PTPRD: variants seen among roughly 807,000 people sequenced by gnomAD.
PTPRD encodes receptor-type tyrosine-protein phosphatase delta.
In PTPRD, 34 loss-of-function variants were observed where a neutral mutation model predicts 214.5. The observed-to-expected ratio is 0.16, with a 90% CI of 0.12 to 0.21. The LOEUF (loss-of-function observed/expected upper bound fraction) is 0.21, where lower values mean the gene tolerates loss of function less well. Ranked by LOEUF, PTPRD falls within the 10% of genes least tolerant of loss-of-function variation. The pLI is 1.00. For synonymous variants in PTPRD, 1,128 were observed against 845.7 expected (o/e 1.33, Z -5.79); for missense variants, 2,545 against 2,398.7 (o/e 1.06, Z -1.27).
chr9:10,337,926 G>T lies in PTPRD; in HGVS notation c.-545+3037C>A, dbSNP rs114020904. 4.2e-3 allele frequency among the ~76,000 whole-genome samples: 638 copies of T among 151,418 alleles called. 4 individuals carry two copies. The highest frequency in any genetic ancestry group is 0.015 in the African/African-American group (627 of 41,352). On this transcript the variant is annotated intron_variant, in intron 3 of 45. Transcript: ENST00000381196. Reference sequence around the variant, plus strand: ...TATTATATCTTTTATGTTAAAATACGTTTTCAGCAATTGCATTTTCTTAAC... The same window carrying T: ...TATTATATCTTTTATGTTAAAATACTTTTTCAGCAATTGCATTTTCTTAAC...
intron 3 of PTPRD, among the ~76,000 whole-genome samples, chr9:10,237,361 T>C (rs1248035360): frequency 6.6e-6 from 1 of 151,960 alleles, no homozygotes; most frequent in East Asian, 1.9e-4. Flanking sequence ...TTAATATCTT[T>C]ATTCTTCATG....
chr9:10,417,745 G>A (rs1203096804), intron 2 of PTPRD, among the ~76,000 whole-genome samples: 1 of 151,794 alleles, frequency 6.6e-6, no homozygotes, highest in Non-Finnish European at 1.5e-5. Flanking sequence ...GAGAATACAT[G>A]AGAAAACTGG....
intron 21 of PTPRD, among the ~76,000 whole-genome samples, chr9:8,513,625 AAAT>A (rs2097725437): frequency 6.6e-6 from 1 of 152,094 alleles, no homozygotes; most frequent in Admixed American, 6.6e-5. Flanking sequence ...ATTGCAGTGA[AAAT>A]AATCATATCC....
intron 3 of PTPRD, among the ~76,000 whole-genome samples, chr9:10,147,654 T>A (rs2099032561): frequency 6.6e-6 from 1 of 152,186 alleles, no homozygotes; most frequent in East Asian, 1.9e-4. Flanking sequence ...CCAAGGTGTG[T>A]GGATCATCTG....
At chr9:10,118,924 G>T (rs551429395) in intron 3 of PTPRD, among the ~76,000 whole-genome samples, 4 of 146,690 alleles carry the variant, frequency 2.7e-5, no homozygotes, top group Non-Finnish European at 6.1e-5. Context: ...TGAAGGAAGA[G>T]GGCATATTTA....
intron 11 of PTPRD, among the ~76,000 whole-genome samples, chr9:8,841,962 G>A (rs2097567335): frequency 1.3e-5 from 2 of 151,036 alleles, no homozygotes; most frequent in Admixed American, 1.3e-4. Context: ...AGTGAGCAGA[G>A]ATGGCCCCAC....
chr9:9,193,272 G>A (rs988654701), intron 9 of PTPRD, among the ~76,000 whole-genome samples: 1 of 152,104 alleles, frequency 6.6e-6, no homozygotes, highest in Non-Finnish European at 1.5e-5. Flanking sequence ...CTCAAGGTCA[G>A]ATACAATCTT....
chr9:9,912,902 T>C (rs143552614), intron 5 of PTPRD, among the ~76,000 whole-genome samples: 1,836 of 152,302 alleles, frequency 0.012, 21 homozygotes, highest in Middle Eastern at 0.017. Flanking sequence ...GTATAATCAA[T>C]GCATCTTACA....
chr9:8,506,106 CAG>C (rs1041334018), intron 22 of PTPRD, among the ~76,000 whole-genome samples: 1 of 152,148 alleles, frequency 6.6e-6, no homozygotes, highest in Non-Finnish European at 1.5e-5. Flanking sequence ...TGGAATAAAA[CAG>C]AAGTTTACAA....
At chr9:8,404,049 G>A (rs552393052) in intron 36 of PTPRD, among the ~76,000 whole-genome samples, 1 of 152,106 alleles carries the variant, frequency 6.6e-6, no homozygotes, top group African/African-American at 2.4e-5. Flanking sequence ...ATGGTGTCAG[G>A]GATATTGTGG....
chr9:9,312,434 C>A (rs1420881701), intron 9 of PTPRD, among the ~76,000 whole-genome samples: 1 of 151,144 alleles, frequency 6.6e-6, no homozygotes, highest in African/African-American at 2.5e-5. Flanking sequence ...TCAACATCAT[C>A]TTCTTTTAAT....
intron 5 of PTPRD, among the ~76,000 whole-genome samples, chr9:9,934,430 A>G (rs554685220): frequency 7.3e-6 from 1 of 136,348 alleles, no homozygotes; most frequent in Non-Finnish European, 1.6e-5. Flanking sequence ...AACTACCATC[A>G]GAGAATACTA....
intron 11 of PTPRD, among the ~76,000 whole-genome samples, chr9:8,971,878 T>C (rs1225060894): frequency 6.6e-6 from 1 of 151,736 alleles, no homozygotes; most frequent in Non-Finnish European, 1.5e-5. Flanking sequence ...TCACACAGCT[T>C]GCAAGTGGCA....
chr9:8,932,622 G>A lies in PTPRD; in HGVS notation c.-104+86075C>T, dbSNP rs1291482278. On this transcript the variant is annotated intron_variant, in intron 11 of 45. Coordinates refer to ENST00000381196, the MANE Select transcript of PTPRD (RefSeq NM_002839.4). ...CTGGCTACAACAGCTTTGCCAAGTT[G>A]TGGTGGGCTCTGCCCAGTCTGAACT... is the stretch of plus-strand genomic sequence containing the variant. Among the ~76,000 whole-genome samples the A allele has an allele frequency of 2.0e-5, 3 of 152,190 alleles. No individual in the cohort carries two copies. In the East Asian group the frequency reaches 5.8e-4, roughly 29 times the overall value.
At chr9:9,328,614 CTTGCTTTTT>C (rs2041010951) in intron 9 of PTPRD, among the ~76,000 whole-genome samples, 1 of 39,076 alleles carries the variant, frequency 2.6e-5, no homozygotes, top group African/African-American at 7.6e-5. Context: ...TGTTGTTGTT[CTTGCTTTTT>C]TTTTTTTTTT....
chr9:10,408,686 A>C (rs1343107279), intron 2 of PTPRD, among the ~76,000 whole-genome samples: 1 of 151,726 alleles, frequency 6.6e-6, no homozygotes, highest in African/African-American at 2.4e-5. Context: ...TCTTCTTTGC[A>C]TGCTACTGGT....
chr9:9,213,299 T>G (rs1189128195), intron 9 of PTPRD, among the ~76,000 whole-genome samples: 1 of 152,144 alleles, frequency 6.6e-6, no homozygotes, highest in African/African-American at 2.4e-5. Context: ...TTGGGGGACT[T>G]TGAGAAGACT....
chr9:10,373,407 T>A (rs2154478953), intron 2 of PTPRD, among the ~76,000 whole-genome samples: 1 of 152,222 alleles, frequency 6.6e-6, no homozygotes, highest in Non-Finnish European at 1.5e-5. Context: ...GATTATTTTG[T>A]ATTTGAATAC....
intron 10 of PTPRD, among the ~76,000 whole-genome samples, chr9:9,057,033 T>A (rs2099697566): frequency 6.6e-6 from 1 of 152,178 alleles, no homozygotes; most frequent in Admixed American, 6.5e-5. Context: ...TCAGGGGGGA[T>A]CTGTTATAGG....
Sources: gnomAD v4.1 joint callset for allele counts (sites outside exome capture counted in the v4.1 genomes callset) on GRCh38, gnomAD v4.1.1 for gene constraint, MANE v1.5 for transcripts, NCBI Gene and HGNC (gene_info 2026-07-23, HGNC 2026-07-21) for gene names.